CLHC1: variants seen among roughly 807,000 people sequenced by gnomAD.
The protein encoded by CLHC1 is clathrin heavy chain linker domain containing 1.
A neutral mutation model predicts 69.5 loss-of-function variants in CLHC1; 72 were observed. That is an observed-to-expected ratio of 1.04 (90% CI 0.86 to 1.26). The LOEUF is 1.26. Ranked by LOEUF, CLHC1 falls within the 50% of genes most tolerant of loss-of-function variation. CLHC1 has a pLI of 0.00. For synonymous variants in CLHC1, 223 were observed against 224.3 expected (o/e 0.99, Z 0.05); for missense variants, 790 against 679.3 (o/e 1.16, Z -1.81).
intron 4 of CLHC1, among the ~76,000 whole-genome samples, chr2:55,217,040 C>G (rs925187357): frequency 6.6e-6 from 1 of 151,542 alleles, no homozygotes; most frequent in Admixed American, 6.6e-5. Flanking sequence ...CAAAAAAATA[C>G]AAAAATTAGC....
At chr2:55,192,011 C>A (rs1286361455) in intron 9 of CLHC1, among the ~76,000 whole-genome samples, 1 of 151,916 alleles carries the variant, frequency 6.6e-6, no homozygotes, top group East Asian at 1.9e-4. Context: ...AATCCTGACT[C>A]TAAAAATAAA....
At chr2:55,223,388 T>A (rs1240967609) in intron 2 of CLHC1, among the ~76,000 whole-genome samples, 3 of 152,152 alleles carry the variant, frequency 2.0e-5, no homozygotes, top group African/African-American at 7.2e-5. Context: ...AGCAGCCGCA[T>A]TATGCCGCTT....
At chr2:55,207,884 A>G (rs932479137) in intron 8 of CLHC1, among the ~76,000 whole-genome samples, 1 of 152,210 alleles carries the variant, frequency 6.6e-6, no homozygotes, top group Admixed American at 6.5e-5. Context: ...TATTGTCTGT[A>G]TTTTTATGTA....
intron 3 of CLHC1, among the ~76,000 whole-genome samples, chr2:55,221,367 G>A (rs1204809600): frequency 6.6e-6 from 1 of 152,114 alleles, no homozygotes; most frequent in East Asian, 1.9e-4. Context: ...ACCGTAAAAA[G>A]CAAAATCAAA....
intron 9 of CLHC1, among the ~76,000 whole-genome samples, chr2:55,185,032 G>A (rs1255529203): frequency 6.6e-6 from 1 of 151,098 alleles, no homozygotes; most frequent in Non-Finnish European, 1.5e-5. Context: ...GGTAAAGACG[G>A]TAGACTGAAC....
At chr2:55,199,453 G>A (rs983540657) in intron 9 of CLHC1, among the ~76,000 whole-genome samples, 2 of 152,208 alleles carry the variant, frequency 1.3e-5, no homozygotes, top group African/African-American at 4.8e-5. Flanking sequence ...GTAATTGTGT[G>A]TAAATTACTC....
rs953999406 is a variant in CLHC1 at position 55,177,677 on chromosome 2, T to C, written c.1489A>G (p.Ile497Val). The C allele has an allele frequency of 8.1e-6, 13 of 1,613,324 alleles. No individual in the cohort carries two copies. The highest frequency in any genetic ancestry group is 1.0e-5 in the Non-Finnish European group (12 of 1,179,490). The change falls in exon 12 of 13, where the codon ATA (isoleucine) becomes GTA (valine). Residue 497 changes from isoleucine to valine, a missense_variant. Physicochemically the swap from Ile to Val is conservative, Grantham distance 29 (BLOSUM62 3). Coordinates refer to ENST00000401408, the MANE Select transcript of CLHC1 (RefSeq NM_152385.4). Reference protein sequence around the residue: ...KQPSLSFGLAILHLFSADMKK... With the variant: ...KQPSLSFGLAVLHLFSADMKK... The stretch of plus-strand genomic sequence containing the variant: ...ATGTCTGCAGAGAACAGATGAAGTA[T>C]AGCAAGACCAAAAGATAAAGATGGT...
At chr2:55,199,698 T>A (rs1381390878) in intron 9 of CLHC1, among the ~76,000 whole-genome samples, 1 of 152,168 alleles carries the variant, frequency 6.6e-6, no homozygotes, top group Non-Finnish European at 1.5e-5. Flanking sequence ...AAGATATTAT[T>A]TGCAAGTCTC....
intron 9 of CLHC1, among the ~76,000 whole-genome samples, chr2:55,204,032 C>T (rs1468607014): frequency 1.3e-5 from 2 of 152,142 alleles, no homozygotes; most frequent in Admixed American, 1.3e-4. Flanking sequence ...CACCTGTAAT[C>T]CCAACACTTT....
At chr2:55,185,146 T>A (rs1573610480) in intron 9 of CLHC1, among the ~76,000 whole-genome samples, 1 of 151,704 alleles carries the variant, frequency 6.6e-6, no homozygotes, top group Non-Finnish European at 1.5e-5. Context: ...AGCCAGAAAA[T>A]AGAGAGTAGA....
At chr2:55,180,931 T>C (rs1669875929) in intron 10 of CLHC1, among the ~76,000 whole-genome samples, 1 of 152,138 alleles carries the variant, frequency 6.6e-6, no homozygotes, top group Non-Finnish European at 1.5e-5. Context: ...TTATTTGGAA[T>C]GTAGTGGTGT....
chr2:55,203,225 T>C (rs1672128444), intron 9 of CLHC1, among the ~76,000 whole-genome samples: 1 of 152,262 alleles, frequency 6.6e-6, no homozygotes, highest in South Asian at 2.1e-4. Context: ...TGTTAAAATG[T>C]CTATACTACC....
rs140219226 is a variant in CLHC1 at position 55,212,503 on chromosome 2, C to A, written c.499+170G>T. The stretch of plus-strand genomic sequence containing the variant: ...GACTGAAACTCAATCTTTTAGAGTT[C>A]GTTTTTCCATTCCCTTGAATCTACC... On this transcript the variant is annotated intron_variant, in intron 5 of 12. Transcript: ENST00000401408. 2.0e-4 allele frequency among the ~76,000 whole-genome samples: 30 copies of A among 152,264 alleles called. 1 individual carries two copies. The East Asian group carries it at 5.6e-3, about 28-fold the overall frequency.
intron 4 of CLHC1, among the ~76,000 whole-genome samples, 171 bp downstream of exon 4, chr2:55,217,640 A>G (rs947717428): frequency 1.4e-5 from 2 of 148,028 alleles, no homozygotes; most frequent in Admixed American, 6.8e-5. Flanking sequence ...AATTGAAGTA[A>G]GTAAACAATA....
Position 55,217,975 on chromosome 2 carries a change from G to A in CLHC1, c.201C>T (p.Tyr67=). 1.9e-6 allele frequency: 3 copies of A among 1,569,280 alleles called. No individual in the cohort carries two copies. The highest frequency in any genetic ancestry group is 2.6e-6 in the Non-Finnish European group (3 of 1,157,850). ...FDKVIEHITA[Y]KSILTSIKKE... ...TTTTGATTGAAGTAAGAATGGATTT[G>A]TATGCAGTGATATGCTCTATTACCT... is the stretch of plus-strand genomic sequence containing the variant. The change falls in exon 4 of 13, where the codon TAC becomes TAT. Residue 67 remains tyrosine (Y), a synonymous_variant. Coordinates refer to ENST00000401408, the MANE Select transcript of CLHC1 (RefSeq NM_152385.4).
In CLHC1 at chr2:55,230,071, T is replaced by A. The variant is rs1364029287; in HGVS notation, c.-255-1867A>T. ...TGGGCAACAACAGCGAAACTCCATC[T>A]CAAAAAAAAGAAAAAAAAGAATTGT... On this transcript the variant is annotated intron_variant, in intron 1 of 12. Coordinates refer to ENST00000401408, the MANE Select transcript of CLHC1 (RefSeq NM_152385.4). Among the ~76,000 whole-genome samples, 3 of 151,804 alleles carry A rather than the reference T, an allele frequency of 2.0e-5. No homozygotes were observed. In the East Asian group the frequency reaches 5.8e-4, roughly 29 times the overall value.
chr2:55,196,082 A>G (rs959933516), intron 9 of CLHC1, among the ~76,000 whole-genome samples: 2 of 152,210 alleles, frequency 1.3e-5, no homozygotes, highest in Non-Finnish European at 2.9e-5. Flanking sequence ...CCACCCTTCC[A>G]CAGTGGAAAG....
intron 12 of CLHC1, 53 bp downstream of exon 12, chr2:55,177,549 C>T (rs1033357354): frequency 2.3e-5 from 31 of 1,321,764 alleles, no homozygotes; most frequent in African/African-American, 4.4e-5. Flanking sequence ...CATCTTGAAC[C>T]TCTCCCTAGA....
intron 2 of CLHC1, chr2:55,224,042 G>GCGTGA (rs2104094276): frequency 6.4e-6 from 1 of 156,258 alleles, no homozygotes; most frequent in African/African-American, 2.4e-5. Context: ...TGATCCATTC[G>GCGTGA]CCTCGACCTC....
Sources: gnomAD v4.1 joint callset for allele counts (sites outside exome capture counted in the v4.1 genomes callset) on GRCh38, gnomAD v4.1.1 for gene constraint, MANE v1.5 for transcripts, NCBI Gene and HGNC (gene_info 2026-07-23, HGNC 2026-07-21) for gene names.